PRIM2: variants seen among roughly 807,000 people sequenced by gnomAD.
The protein encoded by PRIM2 is DNA primase large subunit.
PRIM2 carries 39 observed loss-of-function variants against 67.3 expected under a neutral mutation model. That is an observed-to-expected ratio of 0.58 (90% confidence interval 0.45 to 0.76). The LOEUF (loss-of-function observed/expected upper bound fraction) is 0.76. Ranked by LOEUF, PRIM2 falls within the 30% of genes least tolerant of loss-of-function variation. The pLI, the probability that PRIM2 is intolerant of heterozygous loss-of-function variation, is 0.00. For synonymous variants in PRIM2, 143 were observed against 198.7 expected (o/e 0.72, Z 2.36); for missense variants, 398 against 598.7 (o/e 0.66, Z 3.50).
At chr6:57,306,437 A>T in the PRIM2 span, among the ~76,000 whole-genome samples, 1 of 152,196 alleles carries the variant, frequency 6.6e-6, no homozygotes, top group Non-Finnish European at 1.5e-5. Context: ...ATTCACTGTC[A>T]AGTTATGGTA....
chr6:57,613,360 T>A, intron 12 of PRIM2, among the ~76,000 whole-genome samples: 1 of 152,294 alleles, frequency 6.6e-6, no homozygotes, highest in South Asian at 2.1e-4. Flanking sequence ...TGTACTTCAG[T>A]TTTTTTCCTT....
intron 7 of PRIM2, among the ~76,000 whole-genome samples, chr6:57,447,059 C>G (rs1317871315): frequency 1.3e-5 from 2 of 152,224 alleles, no homozygotes; most frequent in Non-Finnish European, 2.9e-5. Context: ...GGAAGAGCTT[C>G]TGATTTGGCC....
At chr6:57,366,096 C>G (rs1769349795) in intron 5 of PRIM2, among the ~76,000 whole-genome samples, 1 of 151,624 alleles carries the variant, frequency 6.6e-6, no homozygotes, top group Admixed American at 6.6e-5. Context: ...TATCTTCAAG[C>G]AGACAGGTAT....
intron 7 of PRIM2, among the ~76,000 whole-genome samples, chr6:57,501,979 A>G (rs1348105325): frequency 6.6e-6 from 1 of 152,168 alleles, no homozygotes; most frequent in Non-Finnish European, 1.5e-5. Flanking sequence ...GGGAAAATAT[A>G]TATTCAGCCA....
the PRIM2 span, among the ~76,000 whole-genome samples, chr6:57,235,459 C>A: frequency 1.0e-5 from 1 of 99,508 alleles, no homozygotes; most frequent in Non-Finnish European, 2.2e-5. Context: ...AGCAAAACTC[C>A]ATTTCAAAAA....
At chr6:57,602,020 TATAG>T (rs1776476707) in intron 11 of PRIM2, among the ~76,000 whole-genome samples, 3 of 152,064 alleles carry the variant, frequency 2.0e-5, no homozygotes, top group African/African-American at 4.8e-5. Context: ...GCACTCGTCA[TATAG>T]ATAGACAGAT....
At chr6:57,424,843 A>G (rs1330087666) in intron 7 of PRIM2, among the ~76,000 whole-genome samples, 1 of 152,210 alleles carries the variant, frequency 6.6e-6, no homozygotes, top group Non-Finnish European at 1.5e-5. Context: ...AATTTGCATA[A>G]TTTGAGACAA....
chr6:57,291,621 A>G, the PRIM2 span, among the ~76,000 whole-genome samples: 2 of 152,222 alleles, frequency 1.3e-5, no homozygotes, highest in Non-Finnish European at 2.9e-5. Flanking sequence ...AACCGAATCC[A>G]GCAGCACATC....
rs1184600298 is a variant in PRIM2 at position 57,446,280 on chromosome 6, G to GT, written c.694-61099dup. On this transcript the variant is annotated intron_variant, in intron 7 of 13. Transcript: ENST00000615550. ...TCCTACCTCAGGATCATGAGTAACT[G>GT]TTTTTTTTGTTTTTTTTTTTTTTAG... Among the ~76,000 whole-genome samples, 584 of 107,786 alleles carry GT rather than the reference G, an allele frequency of 5.4e-3. 7 individuals carry two copies. The highest frequency in any genetic ancestry group is 0.015 in the African/African-American group (516 of 35,258). 70.7% of individuals were successfully genotyped at this position (107,786 alleles called of 152,430 possible). A position where few individuals can be genotyped will look rare whatever the true frequency, so the allele number is the denominator to read the frequency against.
intron 7 of PRIM2, among the ~76,000 whole-genome samples, chr6:57,492,556 A>T (rs1554346083): frequency 3.4e-5 from 5 of 145,234 alleles, no homozygotes; most frequent in African/African-American, 1.1e-4. Flanking sequence ...AAAAAAAAAT[A>T]AATAAATAAA....
intron 5 of PRIM2, among the ~76,000 whole-genome samples, chr6:57,345,384 C>T (rs1768638345): frequency 6.6e-6 from 1 of 151,566 alleles, no homozygotes; most frequent in Non-Finnish European, 1.5e-5. Context: ...CCAGGCTGGT[C>T]TCAAACTCCT....
At chr6:57,366,085 G>C (rs1394776547) in intron 5 of PRIM2, among the ~76,000 whole-genome samples, 2 of 151,440 alleles carry the variant, frequency 1.3e-5, no homozygotes, top group Non-Finnish European at 2.9e-5. Context: ...AAAAAAAACT[G>C]TATCTTCAAG....
chr6:57,538,954 G>A (rs1258773756), intron 10 of PRIM2, among the ~76,000 whole-genome samples: 1 of 152,114 alleles, frequency 6.6e-6, no homozygotes, highest in Non-Finnish European at 1.5e-5. Context: ...TTGGAGTTAG[G>A]GGTTCAACAA....
At chr6:57,640,416 G>A (rs1448646096) in intron 13 of PRIM2, among the ~76,000 whole-genome samples, 1 of 152,068 alleles carries the variant, frequency 6.6e-6, no homozygotes, top group African/African-American at 2.4e-5. Flanking sequence ...GAAATAAAGG[G>A]TATTCAAATA....
intron 8 of PRIM2, among the ~76,000 whole-genome samples, chr6:57,528,883 A>G (rs1203715057): frequency 6.6e-6 from 1 of 152,188 alleles, no homozygotes; most frequent in Non-Finnish European, 1.5e-5. Context: ...CTTTGGATAC[A>G]TTATTTCATT....
rs1446354169 is a variant in PRIM2, at chr6:57,505,920, C to T, written c.694-1467C>T. Among the ~76,000 whole-genome samples the T allele has an allele frequency of 1.7e-3, 257 of 151,950 alleles. 3 individuals carry two copies. The highest frequency in any genetic ancestry group is 5.8e-3 in the African/African-American group (242 of 41,470). Reference sequence around the variant, plus strand: ...TGACTTTTGAAATGTCTAGATAAATCATTTAAATCGTTTTAGAACACAGCT... The same window carrying T: ...TGACTTTTGAAATGTCTAGATAAATTATTTAAATCGTTTTAGAACACAGCT... On this transcript the variant is annotated intron_variant, in intron 7 of 13. Transcript: ENST00000615550.
chr6:57,256,009 GCACACACACACACATACACA>G, the PRIM2 span, among the ~76,000 whole-genome samples: 1 of 133,604 alleles, frequency 7.5e-6, no homozygotes, highest in Non-Finnish European at 1.5e-5. Context: ...ATTTAGACAC[GCACACACACACACATACACA>G]CACACACACA....
At chr6:57,481,555 A>G (rs1244531944) in intron 7 of PRIM2, among the ~76,000 whole-genome samples, 1 of 151,368 alleles carries the variant, frequency 6.6e-6, no homozygotes, top group Non-Finnish European at 1.5e-5. Context: ...ACATTTGTGT[A>G]CAGGTTTTTG....
At chr6:57,544,510 A>G (rs1228326393) in intron 10 of PRIM2, among the ~76,000 whole-genome samples, 1 of 152,176 alleles carries the variant, frequency 6.6e-6, no homozygotes, top group Non-Finnish European at 1.5e-5. Context: ...AGTGAGTCCT[A>G]TATATGTAAA....
Sources: gnomAD v4.1 joint callset for allele counts (sites outside exome capture counted in the v4.1 genomes callset) on GRCh38, gnomAD v4.1.1 for gene constraint, MANE v1.5 for transcripts, NCBI Gene and HGNC (gene_info 2026-07-23, HGNC 2026-07-21) for gene names.